CADPS2: variants seen among roughly 807,000 people sequenced by gnomAD.
The protein encoded by CADPS2 is calcium-dependent secretion activator 2.
CADPS2 carries 93 observed loss-of-function variants against 172.5 expected under a neutral mutation model. The ratio of observed to expected loss-of-function variants is 0.54; its 90% CI spans 0.46 to 0.64. CADPS2 has a LOEUF of 0.64. Among genes scored for constraint, CADPS2 ranks in the 30% least tolerant of loss-of-function variants. CADPS2 has a pLI of 0.00. For missense variants in CADPS2, 1,420 were observed against 1,565.9 expected (o/e 0.91, Z 1.57); for synonymous variants, 546 against 555.2 (o/e 0.98, Z 0.23).
chr7:122,757,561 T>C (rs2093216407), intron 1 of CADPS2, among the ~76,000 whole-genome samples: 1 of 152,062 alleles, frequency 6.6e-6, no homozygotes, highest in East Asian at 1.9e-4. Context: ...TCTAGATGCT[T>C]TGTGGTGATT....
intron 15 of CADPS2, among the ~76,000 whole-genome samples, chr7:122,450,083 C>G (rs1404792873): frequency 1.3e-5 from 2 of 151,970 alleles, no homozygotes; most frequent in African/African-American, 2.4e-5. Context: ...AATAATGAGG[C>G]AATAACAGAT....
chr7:122,819,949 T>C (rs1378325457), intron 1 of CADPS2, among the ~76,000 whole-genome samples: 1 of 152,130 alleles, frequency 6.6e-6, no homozygotes, highest in Non-Finnish European at 1.5e-5. Flanking sequence ...TTAAAGCCTG[T>C]TATCACTAGC....
intron 2 of CADPS2, among the ~76,000 whole-genome samples, chr7:122,678,572 G>C (rs754791377): frequency 1.1e-4 from 17 of 152,182 alleles, no homozygotes; most frequent in Non-Finnish European, 2.1e-4. Flanking sequence ...TGTGGGAAAT[G>C]GTCCTCCTGC....
intron 28 of CADPS2, chr7:122,339,119 G>A (rs1341460735): frequency 6.6e-6 from 1 of 152,108 alleles, no homozygotes; most frequent in African/African-American, 2.4e-5. Context: ...GGCAAAGATG[G>A]TCTTCCATCT....
intron 6 of CADPS2, among the ~76,000 whole-genome samples, chr7:122,610,151 TAAAA>T (rs71161311): frequency 1.4e-5 from 2 of 144,984 alleles, no homozygotes; most frequent in Middle Eastern, 3.2e-3. Flanking sequence ...GAAAGAGTAA[TAAAA>T]AAAAAAAAGA....
At chr7:122,530,379 A>AACAAATTT (rs2061655270) in intron 8 of CADPS2, among the ~76,000 whole-genome samples, 1 of 151,908 alleles carries the variant, frequency 6.6e-6, no homozygotes, top group Non-Finnish European at 1.5e-5. Flanking sequence ...TGAAAGTAAA[A>AACAAATTT]ACAAATTTTA....
intron 8 of CADPS2, among the ~76,000 whole-genome samples, chr7:122,542,853 T>C (rs1164354666): frequency 6.6e-6 from 1 of 152,070 alleles, no homozygotes; most frequent in Non-Finnish European, 1.5e-5. Flanking sequence ...TTAAATGCAT[T>C]CCATGTTTAA....
chr7:122,477,425 A>C (rs2152229943), intron 12 of CADPS2, among the ~76,000 whole-genome samples: 1 of 152,144 alleles, frequency 6.6e-6, no homozygotes, highest in South Asian at 2.1e-4. Flanking sequence ...CCGAGGCAGG[A>C]GAACTGCTTG....
At chr7:122,562,627 T>C (rs2065910175) in intron 7 of CADPS2, among the ~76,000 whole-genome samples, 1 of 152,154 alleles carries the variant, frequency 6.6e-6, no homozygotes, top group Admixed American at 6.6e-5. Flanking sequence ...AAGAAACTAA[T>C]GTGTAGACAA....
intron 24 of CADPS2, chr7:122,382,193 A>T (rs973730014): frequency 1.3e-5 from 2 of 152,308 alleles, no homozygotes; most frequent in Non-Finnish European, 1.5e-5. Flanking sequence ...CTTGCTAAAA[A>T]ATGTATTAAA....
chr7:122,615,365 C>G, intron 5 of CADPS2, 66 bp from the exon 6 acceptor site: 1 of 1,047,718 alleles, frequency 9.5e-7, no homozygotes, highest in Non-Finnish European at 1.4e-6. Context: ...ACATAAACAG[C>G]AGCATGAACT....
At chr7:122,874,734 T>C (rs776816071) in intron 1 of CADPS2, among the ~76,000 whole-genome samples, 13 of 152,192 alleles carry the variant, frequency 8.5e-5, no homozygotes, top group Non-Finnish European at 1.8e-4. Flanking sequence ...GCCACACATC[T>C]ACAACCATCT....
intron 2 of CADPS2, among the ~76,000 whole-genome samples, chr7:122,719,860 T>C (rs2090154997): frequency 6.6e-6 from 1 of 152,068 alleles, no homozygotes; most frequent in Non-Finnish European, 1.5e-5. Context: ...AAATCTTGCA[T>C]AGATTAATGG....
At chr7:122,650,459 C>A (rs2134950303) in intron 3 of CADPS2, among the ~76,000 whole-genome samples, 1 of 152,092 alleles carries the variant, frequency 6.6e-6, no homozygotes, top group African/African-American at 2.4e-5. Flanking sequence ...AAGCTGTGTT[C>A]TCTTATTTTT....
rs1333364272 is a variant in CADPS2 at position 122,554,574 on chromosome 7, T to A, written c.1451A>T (p.Lys484Ile). The change falls in exon 8 of 30, where the codon AAA becomes ATA. Residue 484 changes from lysine to isoleucine, a missense_variant. By Grantham distance (102) the Lys-to-Ile change is moderately radical. Coordinates refer to ENST00000449022, the MANE Select transcript of CADPS2 (RefSeq NM_017954.11). ...LKIKLAVRMD[K>I]PAHMKHSGYL... ...CCCACTATGCTTCATATGTGCTGGT[T>A]TATCCATTCGCACTGCCAGTTTGAT... 6.2e-7 allele frequency: 1 copy of A among 1,609,532 alleles called. No homozygotes were observed. Among genetic ancestry groups the A allele is most frequent in the African/African-American group, 1.3e-5 (1 of 74,646 alleles).
chr7:122,326,096 C>A (rs1899690), intron 28 of CADPS2, among the ~76,000 whole-genome samples: 54,567 of 148,728 alleles, frequency 0.37, 10,104 homozygotes, highest in East Asian at 0.47. Context: ...AAAAAATCTA[C>A]AACTTAAACA....
chr7:122,865,169 T>C (rs1817980655), intron 1 of CADPS2, among the ~76,000 whole-genome samples: 1 of 152,294 alleles, frequency 6.6e-6, no homozygotes, highest in Non-Finnish European at 1.5e-5. Flanking sequence ...TCTCGTTTCT[T>C]CTCTCACCAT....
chr7:122,717,598 G>T (rs904396607), intron 2 of CADPS2, among the ~76,000 whole-genome samples: 5 of 152,110 alleles, frequency 3.3e-5, no homozygotes, highest in Non-Finnish European at 5.9e-5. Flanking sequence ...AGATTCAGGA[G>T]GGTAAACAAC....
chr7:122,455,553 G>C (rs967745397), intron 14 of CADPS2, among the ~76,000 whole-genome samples: 1 of 151,804 alleles, frequency 6.6e-6, no homozygotes, highest in Non-Finnish European at 1.5e-5. Context: ...GCATATTGTT[G>C]ATATTTAATG....
Sources: gnomAD v4.1 joint callset for allele counts (sites outside exome capture counted in the v4.1 genomes callset) on GRCh38, gnomAD v4.1.1 for gene constraint, MANE v1.5 for transcripts, NCBI Gene and HGNC (gene_info 2026-07-23, HGNC 2026-07-21) for gene names.